The following MYO5B variants were observed in gnomAD, a reference collection of about 807,000 sequenced individuals.
The protein encoded by MYO5B is myosin VB, also known as unconventional myosin-Vb.
A neutral mutation model predicts 229.3 loss-of-function variants in MYO5B; 143 were observed. The observed-to-expected ratio is 0.62, with a 90% CI of 0.54 to 0.72. MYO5B has a LOEUF of 0.72. MYO5B is among the 30% of genes least tolerant of loss of function. The probability of loss-of-function intolerance (pLI) is 0.00; values close to 1 mark genes in which losing one functional copy is unlikely to be tolerated. For missense variants in MYO5B, 2,321 were observed against 2,331.0 expected, an observed-to-expected ratio of 1.00 and a Z score of 0.09; for synonymous variants, 918 against 885.2, an observed-to-expected ratio of 1.04 and a Z score of -0.66.
intron 1 of MYO5B, among the ~76,000 whole-genome samples, chr18:50,102,311 T>A (rs2031671119): frequency 6.6e-6 from 1 of 151,920 alleles, no homozygotes. Flanking sequence ...CACATACTTA[T>A]GTAACAAACC....
chr18:49,840,274 T>C (rs1213638654), intron 35 of MYO5B: 2 of 152,248 alleles, frequency 1.3e-5, no homozygotes, highest in Non-Finnish European at 2.9e-5. Context: ...TTCAAGTAAA[T>C]GCTTGGATAT....
At chr18:49,848,400 G>A (rs1460712808) in intron 32 of MYO5B, among the ~76,000 whole-genome samples, 1 of 152,152 alleles carries the variant, frequency 6.6e-6, no homozygotes, top group African/African-American at 2.4e-5. Context: ...CAAAGGAGCT[G>A]ATCCACTGGG....
intron 1 of MYO5B, among the ~76,000 whole-genome samples, chr18:50,074,861 C>T (rs2031042232): frequency 6.6e-6 from 1 of 152,008 alleles, no homozygotes; most frequent in Non-Finnish European, 1.5e-5. Flanking sequence ...CACTCTGTCG[C>T]CCGGGCTGGA....
intron 3 of MYO5B, among the ~76,000 whole-genome samples, chr18:50,038,541 T>C (rs1405244086): frequency 6.6e-6 from 1 of 152,206 alleles, no homozygotes; most frequent in Non-Finnish European, 1.5e-5. Context: ...CTGCTTGTTA[T>C]TAGAGTTCTA....
intron 16 of MYO5B, among the ~76,000 whole-genome samples, chr18:49,935,208 A>C (rs569742530): frequency 5.8e-4 from 89 of 152,342 alleles, no homozygotes; most frequent in Non-Finnish European, 9.8e-4. Flanking sequence ...GAAGTGAAGG[A>C]GACGGAAGAA....
chr18:49,841,532 C>G, intron 34 of MYO5B, 78 bp from the exon 35 acceptor site: 1 of 1,295,864 alleles, frequency 7.7e-7, no homozygotes. Context: ...TCTTTCCCCA[C>G]ATTTCCTACC....
intron 4 of MYO5B, among the ~76,000 whole-genome samples, chr18:50,010,693 T>C (rs1323467731): frequency 1.3e-5 from 2 of 152,256 alleles, no homozygotes; most frequent in Non-Finnish European, 1.5e-5. Context: ...TGTGATTTTA[T>C]GCTTTTCAGA....
intron 18 of MYO5B, among the ~76,000 whole-genome samples, chr18:49,910,363 C>A (rs1390498261): frequency 6.6e-6 from 1 of 152,170 alleles, no homozygotes; most frequent in African/African-American, 2.4e-5. Flanking sequence ...TGATCCTAGA[C>A]AAATGAGAAG....
intron 10 of MYO5B, among the ~76,000 whole-genome samples, chr18:49,969,498 T>A (rs574099039): frequency 6.6e-6 from 1 of 152,212 alleles, no homozygotes; most frequent in Non-Finnish European, 1.5e-5. Context: ...TAAATGAATA[T>A]GTAAAACACA....
At chr18:49,924,042 C>G (rs895479389) in intron 17 of MYO5B, among the ~76,000 whole-genome samples, 1 of 152,178 alleles carries the variant, frequency 6.6e-6, no homozygotes, top group African/African-American at 2.4e-5. Context: ...AACAGTTTAA[C>G]ATGGGACATT....
intron 22 of MYO5B, among the ~76,000 whole-genome samples, chr18:49,883,756 G>T (rs1044695153): frequency 2.6e-5 from 4 of 152,164 alleles, no homozygotes; most frequent in Non-Finnish European, 4.4e-5. Context: ...TACAGACAGC[G>T]TGATACTGGC....
intron 2 of MYO5B, among the ~76,000 whole-genome samples, chr18:50,048,639 G>A (rs1024173585): frequency 6.6e-6 from 1 of 152,150 alleles, no homozygotes; most frequent in Non-Finnish European, 1.5e-5. Context: ...TACGAACCAT[G>A]GCGAAGCATG....
At chr18:49,999,321 T>C (rs2026021709) in intron 5 of MYO5B, among the ~76,000 whole-genome samples, 1 of 152,224 alleles carries the variant, frequency 6.6e-6, no homozygotes, top group Non-Finnish European at 1.5e-5. Context: ...GCGGCTGTCT[T>C]AGCTGTTCAA....
intron 29 of MYO5B, among the ~76,000 whole-genome samples, chr18:49,861,995 GTTTTTTTTT>G (rs978135894): frequency 7.6e-6 from 1 of 131,128 alleles, no homozygotes; most frequent in African/African-American, 2.8e-5. Flanking sequence ...CCAGCTCCAT[GTTTTTTTTT>G]TTTTTTTTTG....
chr18:49,887,150 A>C lies in MYO5B; in HGVS notation c.3046-6695T>G, dbSNP rs530693676. Among the ~76,000 whole-genome samples, 73 of 152,204 alleles carry C rather than the reference A, an allele frequency of 4.8e-4. 1 individual carries two copies. The South Asian group carries it at 0.014, about 29-fold the overall frequency. The stretch of plus-strand genomic sequence containing the variant: ...ATGCTGTTAACCACAGCACTCTCAG[A>C]CTGTAGTCTTGGCTCAGGTTTTAGA... On this transcript the variant is annotated intron_variant, in intron 22 of 39. Coordinates refer to ENST00000285039, the MANE Select transcript of MYO5B (RefSeq NM_001080467.3).
intron 4 of MYO5B, among the ~76,000 whole-genome samples, chr18:50,017,965 A>T (rs534097817): frequency 6.6e-6 from 1 of 152,334 alleles, no homozygotes; most frequent in African/African-American, 2.4e-5. Flanking sequence ...AGGGATTTAA[A>T]TATGATTATT....
chr18:50,092,250 CT>C (rs968106399), intron 1 of MYO5B, among the ~76,000 whole-genome samples: 22 of 152,150 alleles, frequency 1.4e-4, no homozygotes. Flanking sequence ...AGCCAAAAAA[CT>C]GTAGTAGCAG....
At chr18:49,849,023 G>T (rs1422645270) in intron 32 of MYO5B, among the ~76,000 whole-genome samples, 5 of 151,898 alleles carry the variant, frequency 3.3e-5, no homozygotes, top group African/African-American at 1.2e-4. Flanking sequence ...AAGCAGTGAG[G>T]GGCTGAAAGA....
intron 8 of MYO5B, among the ~76,000 whole-genome samples, chr18:49,982,846 T>C (rs1378514512): frequency 1.3e-5 from 2 of 152,236 alleles, no homozygotes; most frequent in Admixed American, 6.5e-5. Flanking sequence ...GAAAGTCTTA[T>C]TACAATAATT....
Sources: allele counts gnomAD v4.1 joint callset (sites outside exome capture counted in the v4.1 genomes callset), GRCh38; gene constraint gnomAD v4.1.1; transcripts MANE v1.5; gene names NCBI Gene and HGNC (gene_info 2026-07-23, HGNC 2026-07-21).